Variants in ARL8A observed in about 807,000 individuals in gnomAD.
ARL8A encodes the protein ARF like GTPase 8A, also known as ADP-ribosylation factor-like protein 8A.
In ARL8A, 10 loss-of-function variants were observed where a neutral mutation model predicts 31.2. The observed-to-expected ratio is 0.32, with a 90% CI of 0.20 to 0.54. The LOEUF is 0.54. Among genes scored for constraint, ARL8A ranks in the 20% least tolerant of loss-of-function variants. The pLI is 0.93. For synonymous variants in ARL8A, 70 were observed against 86.9 expected (o/e 0.81, Z 1.08); for missense variants, 129 against 242.8 (o/e 0.53, Z 3.12).
Position 202,134,393 on chromosome 1 carries a change from C to T in ARL8A, c.*74G>A. The T allele has an allele frequency of 2.0e-6, 3 of 1,502,798 alleles. No individual in the cohort carries two copies. Among genetic ancestry groups the T allele is most frequent in the Admixed American group, 3.4e-5 (2 of 59,600 alleles). 93.1% of individuals were successfully genotyped at this position (1,502,798 alleles called of 1,614,324 possible). A position where few individuals can be genotyped will look rare whatever the true frequency, so the allele number is the denominator to read the frequency against. ...AGGAGGGGTGGGCTTAGGGGGACGA[C>T]AGGGGTGGGCGGGGAGCTCGGCTTC... On this transcript the variant is annotated 3_prime_UTR_variant, in exon 7 of 7. Coordinates refer to ENST00000272217, the MANE Select transcript of ARL8A (RefSeq NM_138795.4). This position sits in a 1 kb window ranked among gnomAD's most constrained non-coding sequence, Gnocchi z 4.2.
intron 1 of ARL8A, among the ~76,000 whole-genome samples, chr1:202,141,719 C>T (rs536565605): frequency 6.6e-6 from 1 of 152,082 alleles, no homozygotes; most frequent in Admixed American, 6.6e-5. Flanking sequence ...GTTCCTAAGT[C>T]CCCTTGGGCA....
rs757457883 is a variant in ARL8A, at chr1:202,144,436, C to T, written c.123+14G>A. ...GGCCCGCGCCCGGGGACCCCGCGCC[C>T]GACGCCCTCGTACCGCGATCACGTT... On this transcript the variant is annotated intron_variant, in intron 1 of 6. Transcript: ENST00000272217. The surrounding 1 kb of genome is among the most constrained non-coding windows in gnomAD (Gnocchi z 5.2). 1 of 1,394,490 alleles carries T rather than the reference C, an allele frequency of 7.2e-7. No homozygotes were observed. The highest frequency in any genetic ancestry group is 9.5e-7 in the Non-Finnish European group (1 of 1,047,162). 86.4% of individuals were successfully genotyped at this position (1,394,490 alleles called of 1,614,324 possible). A position where few individuals can be genotyped will look rare whatever the true frequency, so the allele number is the denominator to read the frequency against.
chr1:202,139,676 C>T (rs1317850328), intron 1 of ARL8A, among the ~76,000 whole-genome samples: 11 of 123,618 alleles, frequency 8.9e-5, no homozygotes, highest in South Asian at 3.0e-4. Context: ...GACAGAGTCT[C>T]GCTCTATGGC....
Position 202,135,357 on chromosome 1 carries a change from C to T in ARL8A, c.440+102G>A, listed in dbSNP as rs974324632. On this transcript the variant is annotated intron_variant, in intron 5 of 6. Coordinates refer to ENST00000272217, the MANE Select transcript of ARL8A (RefSeq NM_138795.4). The surrounding 1 kb of genome is among the most constrained non-coding windows in gnomAD (Gnocchi z 5.3). ...GTGCCTGAAAAGGTCGGCTCTGCTG[C>T]CACCGTGTGGCTAATACTAAGAACA... is the stretch of plus-strand genomic sequence containing the variant. The T allele has an allele frequency of 3.3e-6, 5 of 1,506,698 alleles. No individual in the cohort carries two copies. The African/African-American group carries it at 5.5e-5, about 17-fold the overall frequency. The allele number at this position is 1,506,698 out of a possible 1,614,324, so 93.3% of individuals were successfully genotyped here.
rs559910236 is a variant in ARL8A, at chr1:202,134,898, C to T, written c.511+252G>A. ...TCAGAGCCAGCAGGGACCTGAGAATCACCGGGTCCAGCCCTGGAATCTTAG... is the reference window on the plus strand; with the variant it reads ...TCAGAGCCAGCAGGGACCTGAGAATTACCGGGTCCAGCCCTGGAATCTTAG... On this transcript the variant is annotated intron_variant, in intron 6 of 6. Transcript: ENST00000272217. The surrounding 1 kb of genome is among the most constrained non-coding windows in gnomAD (Gnocchi z 4.2). Among the ~76,000 whole-genome samples the T allele has an allele frequency of 1.3e-5, 2 of 152,308 alleles. No homozygotes were observed. The highest frequency in any genetic ancestry group is 1.3e-4 in the Admixed American group (2 of 15,304).
chr1:202,135,895 T>C lies in ARL8A; in HGVS notation c.279-95A>G. ...GAGCTGCTGCTTGGAGGTGAAAGCA[T>C]CTGTTGCAGCTTGGTCACCTCGGGA... On this transcript the variant is annotated intron_variant, in intron 3 of 6. Transcript: ENST00000272217. The surrounding 1 kb of genome is among the most constrained non-coding windows in gnomAD (Gnocchi z 5.3). The C allele has an allele frequency of 8.3e-7, 1 of 1,200,194 alleles. No individual in the cohort carries two copies. Among genetic ancestry groups the C allele is most frequent in the Non-Finnish European group, 1.2e-6 (1 of 815,172 alleles). 74.3% of individuals were successfully genotyped at this position (1,200,194 alleles called of 1,614,324 possible).
chr1:202,144,391 C>G lies in ARL8A; in HGVS notation c.123+59G>C. On this transcript the variant is annotated intron_variant, in intron 1 of 6. Coordinates refer to ENST00000272217, the MANE Select transcript of ARL8A (RefSeq NM_138795.4). This position sits in a 1 kb window ranked among gnomAD's most constrained non-coding sequence, Gnocchi z 5.2. ...CCGGCTCAGCAGGGCGCGGCGCGGG[C>G]GGGGACAGGCCCGACCCGCGGCCCG... 9.3e-7 allele frequency: 1 copy of G among 1,079,712 alleles called. No homozygotes were observed. The highest frequency in any genetic ancestry group is 1.7e-5 in the African/African-American group (1 of 58,714). The allele number at this position is 1,079,712 out of a possible 1,614,324, so 66.9% of individuals were successfully genotyped here.
intron 1 of ARL8A, among the ~76,000 whole-genome samples, chr1:202,139,303 G>A (rs968733615): frequency 6.6e-6 from 1 of 152,140 alleles, no homozygotes; most frequent in African/African-American, 2.4e-5. Flanking sequence ...GGCCGGGCGC[G>A]ATGGCTCACA....
In ARL8A at chr1:202,133,435, GTTGTCA is replaced by G. The variant is rs1051518967; in HGVS notation, c.*1026_*1031del. 2.0e-4 allele frequency: 31 copies of G among 152,016 alleles called. 1 individual carries two copies. The highest frequency in any genetic ancestry group is 9.2e-4 in the Admixed American group (14 of 15,274). 9.4% of individuals were successfully genotyped at this position (152,016 alleles called of 1,614,324 possible). Reference sequence around the variant, plus strand: ...ACAAAACTGGTCATTTATTTTTTTTGTTGTCATTGTTATTAGGAAGCAAAAAAATGT... The same window carrying G: ...ACAAAACTGGTCATTTATTTTTTTTGTTGTTATTAGGAAGCAAAAAAATGT... On this transcript the variant is annotated 3_prime_UTR_variant, in exon 7 of 7. Transcript: ENST00000272217.
rs1399451470 is a variant in ARL8A at position 202,138,099 on chromosome 1, G to T, written c.205-61C>A. ...GGCAGGCCACCAAAACGTGTCTTGG[G>T]TCTCAAATGCCCCCTCCTACCCTGC... On this transcript the variant is annotated intron_variant, in intron 2 of 6. Transcript: ENST00000272217. The surrounding 1 kb of genome is among the most constrained non-coding windows in gnomAD (Gnocchi z 4.4). 6.3e-7 allele frequency: 1 copy of T among 1,585,286 alleles called. No homozygotes were observed. The highest frequency in any genetic ancestry group is 1.3e-5 in the African/African-American group (1 of 74,274).
chr1:202,142,109 A>ATCC (rs1655179527), intron 1 of ARL8A, among the ~76,000 whole-genome samples: 1 of 151,234 alleles, frequency 6.6e-6, no homozygotes, highest in East Asian at 1.9e-4. Flanking sequence ...CTCAGGTGAA[A>ATCC]CCCCCACTTT....
At chr1:202,141,374 G>A (rs540934650) in intron 1 of ARL8A, among the ~76,000 whole-genome samples, 10 of 152,236 alleles carry the variant, frequency 6.6e-5, no homozygotes, top group African/African-American at 2.2e-4. Context: ...GGACATGGTG[G>A]CTCATACCTG....
At chr1:202,141,745 T>C (rs1472150686) in intron 1 of ARL8A, among the ~76,000 whole-genome samples, 1 of 152,204 alleles carries the variant, frequency 6.6e-6, no homozygotes, top group Non-Finnish European at 1.5e-5. Flanking sequence ...AGACTAGTTA[T>C]TCCATAGGAC....
chr1:202,144,487 T>C lies in ARL8A; in HGVS notation c.86A>G (p.Gln29Arg). ...GACGAAGGTGGTCTTGCCCGAGTACTGAAGCCCGACCAGCGTGAGCTCCAT... is the reference window on the plus strand; with the variant it reads ...GACGAAGGTGGTCTTGCCCGAGTACCGAAGCCCGACCAGCGTGAGCTCCAT... ...EEMELTLVGL[Q>R]YSGKTTFVNV... Residue 29 changes from glutamine to arginine, a missense_variant, in exon 1 of 7, where the codon CAG becomes CGG. Gln to Arg is a conservative substitution (Grantham distance 43, BLOSUM62 1). Coordinates refer to ENST00000272217, the MANE Select transcript of ARL8A (RefSeq NM_138795.4). The surrounding 1 kb of genome is among the most constrained non-coding windows in gnomAD (Gnocchi z 5.2). The C allele has an allele frequency of 6.8e-7, 1 of 1,481,316 alleles. No homozygotes were observed. The highest frequency in any genetic ancestry group is 9.1e-7 in the Non-Finnish European group (1 of 1,097,902). 91.8% of individuals were successfully genotyped at this position (1,481,316 alleles called of 1,614,324 possible).
Position 202,138,532 on chromosome 1 carries a change from A to G in ARL8A, c.124-84T>C. The stretch of plus-strand genomic sequence containing the variant: ...CCAAGAGGCTGCGAGAACCATGCAG[A>G]GGCCAGGCCAGAGCTTCCTAGACTT... On this transcript the variant is annotated intron_variant, in intron 1 of 6. Coordinates refer to ENST00000272217, the MANE Select transcript of ARL8A (RefSeq NM_138795.4). The surrounding 1 kb of genome is among the most constrained non-coding windows in gnomAD (Gnocchi z 4.4). 1 of 1,320,480 alleles carries G rather than the reference A, an allele frequency of 7.6e-7. No individual in the cohort carries two copies. Among genetic ancestry groups the G allele is most frequent in the Non-Finnish European group, 1.1e-6 (1 of 920,438 alleles). 81.8% of individuals were successfully genotyped at this position (1,320,480 alleles called of 1,614,324 possible).
chr1:202,136,894 G>T (rs557044051), intron 3 of ARL8A, among the ~76,000 whole-genome samples: 1 of 149,550 alleles, frequency 6.7e-6, no homozygotes, highest in Non-Finnish European at 1.5e-5. Context: ...TCGCTTTGTC[G>T]CCCAGGCTGG....
chr1:202,134,968 T>C lies in ARL8A; in HGVS notation c.511+182A>G, dbSNP rs143577830. On this transcript the variant is annotated intron_variant, in intron 6 of 6. Transcript: ENST00000272217. The surrounding 1 kb of genome is among the most constrained non-coding windows in gnomAD (Gnocchi z 4.2). ...AGAGCGGGGATCGATTTGCCCGAGA[T>C]CACACAACCGCTTGGCGACAAGCTG... Among the ~76,000 whole-genome samples, 198 of 151,152 alleles carry C rather than the reference T, an allele frequency of 1.3e-3. No homozygotes were observed. Among genetic ancestry groups the C allele is most frequent in the African/African-American group, 4.7e-3 (195 of 41,122 alleles).
Position 202,137,951 on chromosome 1 carries a change from TC to T in ARL8A, c.278+13del. The T allele has an allele frequency of 6.2e-7, 1 of 1,613,956 alleles. No homozygotes were observed. The highest frequency in any genetic ancestry group is 8.5e-7 in the Non-Finnish European group (1 of 1,179,938). On this transcript the variant is annotated intron_variant, in intron 3 of 6. Coordinates refer to ENST00000272217, the MANE Select transcript of ARL8A (RefSeq NM_138795.4). ...GGTAAGGCTGGAGTCTGGCGATGCC[TC>T]CCGTGTACTTACACGATGGCGCTCA... is the stretch of plus-strand genomic sequence containing the variant.
chr1:202,135,385 A>G lies in ARL8A; in HGVS notation c.440+74T>C. On this transcript the variant is annotated intron_variant, in intron 5 of 6. Transcript: ENST00000272217. The surrounding 1 kb of genome is among the most constrained non-coding windows in gnomAD (Gnocchi z 5.3). ...CCGTGTGGCTAATACTAAGAACAGC[A>G]GCAAGCCTAGGCTGTTGGTCTGGTG... The G allele has an allele frequency of 6.4e-7, 1 of 1,555,524 alleles. No homozygotes were observed. The highest frequency in any genetic ancestry group is 8.9e-7 in the Non-Finnish European group (1 of 1,126,844).
Sources: allele counts gnomAD v4.1 joint callset (sites outside exome capture counted in the v4.1 genomes callset), GRCh38; gene constraint gnomAD v4.1.1; non-coding constraint Gnocchi (gnomAD v3.1); transcripts MANE v1.5; gene names NCBI Gene and HGNC (gene_info 2026-07-23, HGNC 2026-07-21).